The following BRD8 variants were observed in gnomAD, a reference collection of about 807,000 sequenced individuals.
BRD8 encodes bromodomain-containing protein 8.
In BRD8, 67 loss-of-function variants were observed where a neutral mutation model predicts 143.1. The observed-to-expected ratio is 0.47, with a 90% CI of 0.38 to 0.57. The LOEUF is 0.57. BRD8 is among the 20% of genes least tolerant of loss of function. The pLI, the probability that BRD8 is intolerant of heterozygous loss-of-function variation, is 0.00. For synonymous variants in BRD8, 505 were observed against 517.1 expected (o/e 0.98, Z 0.32); for missense variants, 1,103 against 1,503.0 (o/e 0.73, Z 4.40).
chr5:138,167,737 C>T, intron 9 of BRD8, 197 bp downstream of exon 9: 1 of 563,250 alleles, frequency 1.8e-6, no homozygotes, highest in Non-Finnish European at 3.2e-6. Flanking sequence ...TCAATCAGGG[C>T]TATCACTATC....
intron 20 of BRD8, among the ~76,000 whole-genome samples, chr5:138,159,070 C>T (rs183528800): frequency 2.1e-4 from 32 of 151,690 alleles, no homozygotes; most frequent in African/African-American, 6.5e-4. Context: ...GAATTATAGA[C>T]GTAAACCACC....
rs66819486 is a variant in BRD8 at position 138,163,050 on chromosome 5, CA to C, written c.2087+79del. 1.9e-3 allele frequency: 221 copies of C among 116,212 alleles called. 3 individuals carry two copies. Among genetic ancestry groups the C allele is most frequent in the Middle Eastern group, 0.012 (5 of 404 alleles). 7.2% of individuals were successfully genotyped at this position (116,212 alleles called of 1,614,324 possible). A position where few individuals can be genotyped will look rare whatever the true frequency, so the allele number is the denominator to read the frequency against. ...GGAAAAGAAAAGAAAAGAGAAAAGA[CA>C]GGAAGGAAGGAAGGAAGGAAAAGAT... On this transcript the variant is annotated intron_variant, in intron 15 of 26. Transcript: ENST00000254900.
At chr5:138,143,350 A>G (rs1751990503) in intron 25 of BRD8, among the ~76,000 whole-genome samples, 2 of 152,112 alleles carry the variant, frequency 1.3e-5, no homozygotes, top group Admixed American at 6.5e-5. Context: ...GCAGTGGCAC[A>G]TGCCTGTAGT....
Position 138,168,007 on chromosome 5 carries a change from C to T in BRD8, c.714G>A (p.Gly238=), listed in dbSNP as rs1158320130. ...NSTGVLLEVG[G]VLPMIHGGEI... is the part of the protein sequence containing the mutation. ...CCCCACCATGTATCATGGGAAGGAC[C>T]CCGCCTACCTCCAGGAGGACACCTG... is the stretch of plus-strand genomic sequence containing the variant. Residue 238 remains glycine, a synonymous_variant, in exon 9 of 27, where the codon GGG becomes GGA. Coordinates refer to ENST00000254900, the MANE Select transcript of BRD8 (RefSeq NM_139199.2). 1 of 1,613,244 alleles carries T rather than the reference C, an allele frequency of 6.2e-7. No homozygotes were observed. The highest frequency in any genetic ancestry group is 8.5e-7 in the Non-Finnish European group (1 of 1,179,246).
At chr5:138,155,306 G>A (rs905828196) in intron 20 of BRD8, among the ~76,000 whole-genome samples, 6 of 151,484 alleles carry the variant, frequency 4.0e-5, no homozygotes, top group Admixed American at 1.3e-4. Context: ...AAAATTAGCC[G>A]GGCTTGGTGG....
intron 6 of BRD8, 129 bp downstream of exon 6, chr5:138,170,703 G>A: frequency 1.1e-6 from 1 of 884,928 alleles, no homozygotes; most frequent in East Asian, 2.5e-5. Flanking sequence ...AAACCACTTT[G>A]CAGCTTTCCC....
rs771407400 is a variant in BRD8 at position 138,164,830 on chromosome 5, G to A, written c.1615C>T (p.Leu539Phe). The A allele has an allele frequency of 6.2e-6, 10 of 1,614,080 alleles. No homozygotes were observed. The highest frequency in any genetic ancestry group is 8.5e-6 in the Non-Finnish European group (10 of 1,180,036). ...TCCTCATCTAAGTCCTGACTCCTGA[G>A]TTCTGGTGGCTCCATACTTGTGGCT... is the stretch of plus-strand genomic sequence containing the variant. ...VPATSMEPPE[L>F]RSQDLDEELG... Residue 539 changes from leucine to phenylalanine, a missense_variant, in exon 12 of 27, where the codon CTC becomes TTC. Physicochemically the swap from Leu to Phe is conservative, Grantham distance 22 (BLOSUM62 0). Around this residue, in one of 7 missense-constraint regions of BRD8, gnomAD observed 139 missense variants for 139.0 expected, o/e 1.00. Transcript: ENST00000254900.
At chr5:138,165,726 CAAA>C (rs374362323) in intron 11 of BRD8, 99 bp downstream of exon 11, 17,974 of 923,748 alleles carry the variant, frequency 0.019, no homozygotes, top group South Asian at 0.029. Context: ...ACTCTGTCTC[CAAA>C]AAAAAAAAAA....
At position 138,161,801 on chromosome 5, in the gene BRD8, C is replaced by A. The variant is rs1753019385; in HGVS notation, c.2244G>T (p.Val748=). 1 of 1,613,906 alleles carries A rather than the reference C, an allele frequency of 6.2e-7. No individual in the cohort carries two copies. Among genetic ancestry groups the A allele is most frequent in the East Asian group, 2.2e-5 (1 of 44,898 alleles). ...CTGGGTGGACCATGGCTCACCTCTG[C>A]ACAATGCTGTGGTAGCCAGGTGCTA... ...DDIAPGYHSI[V]QRPMDLSTIK... Residue 748 remains valine (V), a synonymous_variant, in exon 17 of 27, where the codon GTG becomes GTT. Coordinates refer to ENST00000254900, the MANE Select transcript of BRD8 (RefSeq NM_139199.2).
intron 3 of BRD8, 66 bp from the exon 4 acceptor site, chr5:138,171,476 G>T: frequency 1.9e-6 from 2 of 1,042,904 alleles, no homozygotes; most frequent in Non-Finnish European, 3.0e-6. Context: ...ACCTTTCAAA[G>T]TTTCAAGAGA....
rs768962262 is a variant in BRD8, at chr5:138,149,716, C to T, written c.3202G>A (p.Glu1068Lys). The change falls in exon 23 of 27, where the codon GAG becomes AAG. Residue 1068 changes from glutamate (E) to lysine (K), a missense_variant. Glu to Lys is a moderately conservative substitution (Grantham distance 56). This residue lies in a region of BRD8 where 369 missense variants were observed against 445.5 expected (regional missense o/e 0.83). Transcript: ENST00000254900. Reference sequence around the variant, plus strand: ...TTAATGTTAAAGGCATCATCACACTCGCCTGAAGGGGGCTGGTCTTCCATC... The same window carrying T: ...TTAATGTTAAAGGCATCATCACACTTGCCTGAAGGGGGCTGGTCTTCCATC... ...SEMEDQPPSG[E>K]CDDAFNIKET... 3.1e-6 allele frequency: 5 copies of T among 1,613,860 alleles called. No homozygotes were observed. The highest frequency in any genetic ancestry group is 4.2e-6 in the Non-Finnish European group (5 of 1,179,892).
intron 20 of BRD8, among the ~76,000 whole-genome samples, chr5:138,153,673 CTTTTTTTT>C (rs67848204): frequency 3.0e-4 from 32 of 107,346 alleles, no homozygotes; most frequent in East Asian, 6.2e-4. Context: ...CTTTTCTTTT[CTTTTTTTT>C]TTTTTTTTTT....
chr5:138,156,793 G>GA (rs1175269735), intron 20 of BRD8: 54 of 946,786 alleles, frequency 5.7e-5, no homozygotes, highest in Non-Finnish European at 6.6e-5. Context: ...TCCTACAAAT[G>GA]AAATAGTTAT....
In BRD8 at chr5:138,150,786, CTG is replaced by C; in HGVS notation, c.3077_3078del (p.Ser1026CysfsTer13). 1.2e-6 allele frequency: 2 copies of C among 1,614,132 alleles called. No homozygotes were observed. Among genetic ancestry groups the C allele is most frequent in the Non-Finnish European group, 1.7e-6 (2 of 1,180,020 alleles). On this transcript the variant is annotated frameshift_variant, in exon 22 of 27. Coordinates refer to ENST00000254900, the MANE Select transcript of BRD8 (RefSeq NM_139199.2). LOFTEE classifies it high-confidence loss of function. Reference sequence around the variant, plus strand: ...AGTAGTCCCTGAACTGTACAAATAACTGAGGGAGCTGAAGCCACCTCTGGCTT... The same window carrying C: ...AGTAGTCCCTGAACTGTACAAATAACAGGGAGCTGAAGCCACCTCTGGCTT... ...NGKPEVASAP[S>X]VICTVQGLLT...
intron 23 of BRD8, 43 bp from the exon 24 acceptor site, chr5:138,145,921 A>G (rs1752130577): frequency 1.3e-6 from 2 of 1,513,636 alleles, no homozygotes; most frequent in Non-Finnish European, 1.8e-6. Flanking sequence ...TAACTTCACA[A>G]ATAATATTCT....
Position 138,140,146 on chromosome 5 carries a change from G to A in BRD8, c.3636C>T (p.Asp1212=). ...EQIQVLNIWL[D]KRKGSSSLEG... ...CCAGACTACTTGAGCCTTTTCTTTT[G>A]TCTAACCAGATATTCAGTACCTAAA... Residue 1212 remains aspartate (D), a synonymous_variant, in exon 27 of 27, where the codon GAC becomes GAT. Coordinates refer to ENST00000254900, the MANE Select transcript of BRD8 (RefSeq NM_139199.2). 1 of 1,613,274 alleles carries A rather than the reference G, an allele frequency of 6.2e-7. No homozygotes were observed. The highest frequency in any genetic ancestry group is 8.5e-7 in the Non-Finnish European group (1 of 1,179,238).
intron 1 of BRD8, 30 bp downstream of exon 1, chr5:138,178,566 C>T (rs1440681099): frequency 1.2e-6 from 2 of 1,609,490 alleles, no homozygotes; most frequent in South Asian, 1.1e-5. Flanking sequence ...CTACAAAGGC[C>T]TTTCACGCAA....
intron 20 of BRD8, among the ~76,000 whole-genome samples, chr5:138,159,223 C>T (rs1420041674): frequency 2.0e-5 from 3 of 152,138 alleles, no homozygotes; most frequent in African/African-American, 7.2e-5. Flanking sequence ...CAGCTAGCAG[C>T]TCCTGCTCTG....
intron 23 of BRD8, among the ~76,000 whole-genome samples, chr5:138,148,697 T>C (rs1752263692): frequency 6.6e-6 from 1 of 152,136 alleles, no homozygotes; most frequent in African/African-American, 2.4e-5. Flanking sequence ...AAAATTTTTT[T>C]ATCCTCTTCC....
Sources: gnomAD v4.1 joint callset for allele counts (sites outside exome capture counted in the v4.1 genomes callset) on GRCh38, gnomAD v4.1.1 for gene constraint, gnomAD v4.1.1 regional missense constraint, MANE v1.5 for transcripts, NCBI Gene and HGNC (gene_info 2026-07-23, HGNC 2026-07-21) for gene names.